PTPN2: variants seen among roughly 807,000 people sequenced by gnomAD.
PTPN2 encodes the protein protein tyrosine phosphatase non-receptor type 2.
A neutral mutation model predicts 57.3 loss-of-function variants in PTPN2; 19 were observed. The ratio of observed to expected loss-of-function variants is 0.33; its 90% CI spans 0.23 to 0.49. The LOEUF is 0.49. Among genes scored for constraint, PTPN2 ranks in the 20% least tolerant of loss-of-function variants. The pLI is 0.99. For synonymous variants in PTPN2, 153 were observed against 164.9 expected (o/e 0.93, Z 0.55); for missense variants, 358 against 501.1 (o/e 0.71, Z 2.73).
chr18:12,878,224 G>A (rs1276817277), intron 1 of PTPN2, among the ~76,000 whole-genome samples: 1 of 151,914 alleles, frequency 6.6e-6, no homozygotes, highest in Non-Finnish European at 1.5e-5. Context: ...GACTGAGGCA[G>A]GAGGATGTCT....
chr18:12,815,577 G>GA, intron 6 of PTPN2, among the ~76,000 whole-genome samples: 1 of 151,876 alleles, frequency 6.6e-6, no homozygotes, highest in East Asian at 1.9e-4. Context: ...AAAAATAAAA[G>GA]AAAAAAAATT....
intron 5 of PTPN2, among the ~76,000 whole-genome samples, chr18:12,822,264 C>A (rs1013179315): frequency 6.6e-6 from 1 of 152,048 alleles, no homozygotes; most frequent in Non-Finnish European, 1.5e-5. Context: ...TCTCATCTTG[C>A]TAAATCTTTA....
At chr18:12,824,234 AT>A (rs2042369434) in intron 5 of PTPN2, among the ~76,000 whole-genome samples, 1 of 152,248 alleles carries the variant, frequency 6.6e-6, no homozygotes, top group Non-Finnish European at 1.5e-5. Context: ...AAGCATTATC[AT>A]TCGTAATTTT....
chr18:12,843,531 G>GT lies in PTPN2; in HGVS notation c.161-6641dup, dbSNP rs573045891. ...GCTTCCACAGCTCCCTCCACCCAGCGTAAGTGCTCTAGGGCAGACCAGCCC... is the reference window on the plus strand; with the variant it reads ...GCTTCCACAGCTCCCTCCACCCAGCGTTAAGTGCTCTAGGGCAGACCAGCCC... On this transcript the variant is annotated intron_variant, in intron 2 of 8. Coordinates refer to ENST00000309660, the MANE Select transcript of PTPN2 (RefSeq NM_002828.4). 9.9e-5 allele frequency among the ~76,000 whole-genome samples: 15 copies of GT among 152,264 alleles called. No homozygotes were observed. The South Asian group carries it at 2.3e-3, about 23-fold the overall frequency.
At chr18:12,856,074 T>G (rs2043578461) in intron 2 of PTPN2, among the ~76,000 whole-genome samples, 1 of 152,150 alleles carries the variant, frequency 6.6e-6, no homozygotes, top group Non-Finnish European at 1.5e-5. Context: ...TGAAGATGAC[T>G]AAAGGTCAAT....
At chr18:12,883,279 G>A (rs867554723) in intron 1 of PTPN2, among the ~76,000 whole-genome samples, 1 of 152,238 alleles carries the variant, frequency 6.6e-6, no homozygotes, top group Non-Finnish European at 1.5e-5. Flanking sequence ...ACTATAAAGA[G>A]AATGACACGC....
chr18:12,815,216 T>C (rs1033071411), intron 6 of PTPN2, among the ~76,000 whole-genome samples: 1 of 151,682 alleles, frequency 6.6e-6, no homozygotes, highest in Admixed American at 6.6e-5. Context: ...GATTGAGACC[T>C]TCCTGGACAA....
At chr18:12,864,256 T>G (rs943430001) in intron 1 of PTPN2, 1 of 151,940 alleles carries the variant, frequency 6.6e-6, no homozygotes, top group Non-Finnish European at 1.5e-5. Context: ...TAAACACACA[T>G]GTGCATTGCC....
At position 12,793,269 on chromosome 18, in the gene PTPN2, CTATT is replaced by C; in HGVS notation, c.*1005_*1008del. On this transcript the variant is annotated 3_prime_UTR_variant, in exon 9 of 9. Transcript: ENST00000309660. ...AATGTAAGGTTTGCATATAATCATA[CTATT>C]TATTGAAGTAGAAAGAAACTGAAAA... The C allele has an allele frequency of 1.0e-6, 1 of 973,170 alleles. No individual in the cohort carries two copies. Among genetic ancestry groups the C allele is most frequent in the Non-Finnish European group, 1.2e-6 (1 of 818,622 alleles). 60.3% of individuals were successfully genotyped at this position (973,170 alleles called of 1,614,324 possible).
In PTPN2 at chr18:12,861,421, C is replaced by T. The variant is rs2043804914; in HGVS notation, c.70-2167G>A. Among the ~76,000 whole-genome samples, 3 of 152,198 alleles carry T rather than the reference C, an allele frequency of 2.0e-5. 1 individual carries two copies. The South Asian group carries it at 6.2e-4, about 32-fold the overall frequency. ...CTGTTTCTAGATCCTCATTCTACTT[C>T]ACAGAAGCATTTGCTTGCCCTTGAG... On this transcript the variant is annotated intron_variant, in intron 1 of 8. Coordinates refer to ENST00000309660, the MANE Select transcript of PTPN2 (RefSeq NM_002828.4).
intron 2 of PTPN2, among the ~76,000 whole-genome samples, chr18:12,856,666 C>T (rs575674679): frequency 6.6e-6 from 1 of 152,258 alleles, no homozygotes; most frequent in Non-Finnish European, 1.5e-5. Flanking sequence ...AGTCTAAAAG[C>T]TGAGGAGAAA....
Position 12,794,407 on chromosome 18 carries a change from A to T in PTPN2, c.1119T>A (p.Asn373Lys). The T allele has an allele frequency of 6.2e-7, 1 of 1,614,124 alleles. No homozygotes were observed. The highest frequency in any genetic ancestry group is 8.5e-7 in the Non-Finnish European group (1 of 1,180,018). ...ACCTTTTTCTTTTTCGTTCATTCTCATTTAGCCTCTGTTTCATCTGCTGCA... is the reference window on the plus strand; with the variant it reads ...ACCTTTTTCTTTTTCGTTCATTCTCTTTTAGCCTCTGTTTCATCTGCTGCA... ...QKVQQMKQRL[N>K]ENERKRKRWL... The change falls in exon 9 of 9, where the codon AAT (asparagine) becomes AAA (lysine). Residue 373 changes from asparagine to lysine, a missense_variant. By Grantham distance (94) the Asn-to-Lys change is moderately conservative. Coordinates refer to ENST00000309660, the MANE Select transcript of PTPN2 (RefSeq NM_002828.4).
Position 12,835,382 on chromosome 18 carries a change from C to CTTTTTT in PTPN2, c.261+1403_261+1408dup, listed in dbSNP as rs60239177. On this transcript the variant is annotated intron_variant, in intron 3 of 8. Transcript: ENST00000309660. Reference sequence around the variant, plus strand: ...CTGCAATGAACATGATCACATATGTCTTTTTTTTTTTTTTGGACAGTTTTG... The same window carrying CTTTTTT: ...CTGCAATGAACATGATCACATATGTCTTTTTTTTTTTTTTTTTTTTGGACAGTTTTG... 3.9e-3 allele frequency among the ~76,000 whole-genome samples: 382 copies of CTTTTTT among 99,012 alleles called. 24 individuals carry two copies. Among genetic ancestry groups the CTTTTTT allele is most frequent in the African/African-American group, 0.011 (256 of 23,910 alleles). 65.0% of individuals were successfully genotyped at this position (99,012 alleles called of 152,430 possible). A position where few individuals can be genotyped will look rare whatever the true frequency, so the allele number is the denominator to read the frequency against.
At chr18:12,824,540 TCCTAAAGTCA>T (rs1361677832) in intron 5 of PTPN2, among the ~76,000 whole-genome samples, 2 of 152,230 alleles carry the variant, frequency 1.3e-5, no homozygotes, top group Non-Finnish European at 1.5e-5. Flanking sequence ...CTACATACAT[TCCTAAAGTCA>T]TATGAGGCTA....
At chr18:12,822,796 C>T (rs552079645) in intron 5 of PTPN2, among the ~76,000 whole-genome samples, 12 of 152,222 alleles carry the variant, frequency 7.9e-5, no homozygotes, top group East Asian at 7.7e-4. Context: ...CAACTACTCC[C>T]GGTTCCTGTT....
At chr18:12,799,162 T>C (rs776511236) in intron 8 of PTPN2, among the ~76,000 whole-genome samples, 1 of 152,146 alleles carries the variant, frequency 6.6e-6, no homozygotes, top group Non-Finnish European at 1.5e-5. Context: ...CTCATGTCTG[T>C]AATCCCAGCA....
rs112346455 is a variant in PTPN2, at chr18:12,867,276, A to G, written c.70-8022T>C. 8.8e-3 allele frequency among the ~76,000 whole-genome samples: 1,336 copies of G among 151,460 alleles called. 27 individuals carry two copies. The highest frequency in any genetic ancestry group is 0.031 in the African/African-American group (1,293 of 41,238). ...CAAGGCTGCAGTGAGCAGTGACTGTACCACTGCACTCCAGCCTGGGTGACA... is the reference window on the plus strand; with the variant it reads ...CAAGGCTGCAGTGAGCAGTGACTGTGCCACTGCACTCCAGCCTGGGTGACA... On this transcript the variant is annotated intron_variant, in intron 1 of 8. Transcript: ENST00000309660.
At chr18:12,788,804 C>T (rs1284613336), downstream of PTPN2, among the ~76,000 whole-genome samples, 1 of 152,054 alleles carries the variant, frequency 6.6e-6, no homozygotes, top group Non-Finnish European at 1.5e-5. Flanking sequence ...GGGGAGACAG[C>T]CTTAGGAGAA....
intron 3 of PTPN2, among the ~76,000 whole-genome samples, chr18:12,834,507 C>A (rs1306491675): frequency 6.6e-6 from 1 of 151,894 alleles, no homozygotes; most frequent in Non-Finnish European, 1.5e-5. Flanking sequence ...ATGTAAAATT[C>A]ATAAAATTCA....
Sources: gnomAD v4.1 joint callset for allele counts (sites outside exome capture counted in the v4.1 genomes callset) on GRCh38, gnomAD v4.1.1 for gene constraint, MANE v1.5 for transcripts, NCBI Gene and HGNC (gene_info 2026-07-23, HGNC 2026-07-21) for gene names.